The following EXT2 variants were observed in gnomAD, a reference collection of about 807,000 sequenced individuals.
EXT2 encodes exostosin glycosyltransferase 2.
A neutral mutation model predicts 81.6 loss-of-function variants in EXT2; 53 were observed. The observed-to-expected ratio is 0.65, with a 90% CI of 0.52 to 0.82. The LOEUF (loss-of-function observed/expected upper bound fraction) is 0.82. EXT2 is among the 40% of genes least tolerant of loss of function. The pLI, the probability that EXT2 is intolerant of heterozygous loss-of-function variation, is 0.00. For synonymous variants in EXT2, 320 were observed against 340.0 expected, an observed-to-expected ratio of 0.94 and a Z score of 0.65; for missense variants, 774 against 910.2, an observed-to-expected ratio of 0.85 and a Z score of 1.93.
At chr11:44,189,199 G>A (rs1955358681) in intron 8 of EXT2, among the ~76,000 whole-genome samples, 1 of 152,152 alleles carries the variant, frequency 6.6e-6, no homozygotes, top group African/African-American at 2.4e-5. Flanking sequence ...TGAGCAAATT[G>A]CTGTAAATAG....
chr11:44,178,739 G>C (rs1955192879), intron 8 of EXT2, among the ~76,000 whole-genome samples: 1 of 151,832 alleles, frequency 6.6e-6, no homozygotes, highest in South Asian at 2.1e-4. Context: ...AGCCTACCCT[G>C]CCCCCCAGGA....
chr11:44,201,762 C>T (rs1023698653), intron 9 of EXT2, among the ~76,000 whole-genome samples: 1 of 152,110 alleles, frequency 6.6e-6, no homozygotes, highest in African/African-American at 2.4e-5. Flanking sequence ...GTTTTTCTTT[C>T]CTACCTCATT....
At chr11:44,150,796 CACAGACCTATTAT>C (rs1954782162) in intron 7 of EXT2, among the ~76,000 whole-genome samples, 1 of 152,102 alleles carries the variant, frequency 6.6e-6, no homozygotes, top group Admixed American at 6.6e-5. Context: ...TGTAAGAATC[CACAGACCTATTAT>C]ACAACAGCTG....
chr11:44,182,715 T>C (rs1290405503), intron 8 of EXT2, among the ~76,000 whole-genome samples: 1 of 152,210 alleles, frequency 6.6e-6, no homozygotes. Context: ...AATGCACCTT[T>C]ATCTCTAAAT....
chr11:44,197,716 A>T, intron 8 of EXT2, 113 bp from the exon 9 acceptor site: 2 of 1,058,146 alleles, frequency 1.9e-6, no homozygotes, highest in Middle Eastern at 3.0e-4. Context: ...TAGCTCTGGG[A>T]TCTGTCCTGG....
chr11:44,158,972 G>A (rs1954892669), intron 7 of EXT2, among the ~76,000 whole-genome samples: 1 of 151,832 alleles, frequency 6.6e-6, no homozygotes. Flanking sequence ...CTCCTCTGTA[G>A]GTAAGGTGTT....
At chr11:44,243,476 T>C (rs1422351128) in intron 13 of EXT2, among the ~76,000 whole-genome samples, 1 of 152,226 alleles carries the variant, frequency 6.6e-6, no homozygotes, top group Admixed American at 6.5e-5. Context: ...ATGAAAATTA[T>C]GAAGGCTGTC....
chr11:44,243,454 G>A (rs781260272), intron 13 of EXT2, among the ~76,000 whole-genome samples: 1 of 152,164 alleles, frequency 6.6e-6, no homozygotes, highest in African/African-American at 2.4e-5. Context: ...TGACATGGGA[G>A]TGACAAAAAT....
intron 10 of EXT2, among the ~76,000 whole-genome samples, chr11:44,208,513 C>A (rs533802672): frequency 6.6e-6 from 1 of 152,334 alleles, no homozygotes. Flanking sequence ...CCTCTTTCCT[C>A]TGATTACTTG....
chr11:44,159,996 A>T (rs1297060867), intron 7 of EXT2, among the ~76,000 whole-genome samples: 1 of 152,244 alleles, frequency 6.6e-6, no homozygotes, highest in Non-Finnish European at 1.5e-5. Context: ...TCCTCAGGGC[A>T]AATCTTGTTA....
intron 1 of EXT2, among the ~76,000 whole-genome samples, chr11:44,101,954 A>AGG (rs1953989770): frequency 1.3e-5 from 2 of 151,494 alleles, no homozygotes. Flanking sequence ...TAAAAAAAAA[A>AGG]AAAAAAAAAA....
intron 13 of EXT2, 64 bp downstream of exon 13, chr11:44,236,439 G>GT (rs1955966397): frequency 2.8e-6 from 4 of 1,445,526 alleles, no homozygotes; most frequent in African/African-American, 1.4e-5. Flanking sequence ...CCTTAGGCCT[G>GT]TTTATGGGGC....
At chr11:44,186,990 C>G (rs1418509855) in intron 8 of EXT2, among the ~76,000 whole-genome samples, 1 of 62,764 alleles carries the variant, frequency 1.6e-5, no homozygotes, top group African/African-American at 7.0e-5. Flanking sequence ...AATTTCCTTC[C>G]TTCCTTCCTT....
rs550728975 is a variant in EXT2 at position 44,162,524 on chromosome 11, C to T, written c.1174-9087C>T. The stretch of plus-strand genomic sequence containing the variant: ...CCAGTAGGCTGAGGTTGCAGTGAGC[C>T]GAGATCGCACCACTGCCCTCCAGCC... On this transcript the variant is annotated intron_variant, in intron 7 of 13. Coordinates refer to ENST00000533608, the MANE Select transcript of EXT2 (RefSeq NM_207122.2). Among the ~76,000 whole-genome samples, 227 of 146,024 alleles carry T rather than the reference C, an allele frequency of 1.6e-3. 2 individuals are homozygous for T. Among genetic ancestry groups the T allele is most frequent in the Admixed American group, 2.7e-3 (38 of 14,134 alleles).
chr11:44,184,371 TAAAG>T (rs1955279030), intron 8 of EXT2, among the ~76,000 whole-genome samples: 1 of 152,230 alleles, frequency 6.6e-6, no homozygotes, highest in South Asian at 2.1e-4. Flanking sequence ...CATTTTTTCT[TAAAG>T]TAAGTGCTCT....
intron 10 of EXT2, among the ~76,000 whole-genome samples, chr11:44,223,380 A>C (rs1175318603): frequency 6.6e-6 from 1 of 152,214 alleles, no homozygotes; most frequent in Non-Finnish European, 1.5e-5. Context: ...AAATCAGCCC[A>C]GGCATCCTTC....
intron 10 of EXT2, among the ~76,000 whole-genome samples, chr11:44,230,285 G>A (rs1413071850): frequency 1.3e-5 from 2 of 152,230 alleles, no homozygotes; most frequent in Non-Finnish European, 2.9e-5. Context: ...GGGACATGGT[G>A]AGAGAAGAGG....
chr11:44,198,573 A>G (rs1215313259), intron 9 of EXT2, among the ~76,000 whole-genome samples: 1 of 152,124 alleles, frequency 6.6e-6, no homozygotes, highest in African/African-American at 2.4e-5. Context: ...GTTGAGGACT[A>G]TTTGATTCAT....
At chr11:44,119,169 T>TATATATATATATATATATATATATAC (rs1192115471) in intron 4 of EXT2, among the ~76,000 whole-genome samples, 20 of 63,142 alleles carry the variant, frequency 3.2e-4, no homozygotes, top group East Asian at 5.7e-4. Flanking sequence ...TATATATATA[T>TATATATATATATATATATATATATAC]ACACATACAC....
Sources: gnomAD v4.1 joint callset for allele counts (sites outside exome capture counted in the v4.1 genomes callset) on GRCh38, gnomAD v4.1.1 for gene constraint, MANE v1.5 for transcripts, NCBI Gene and HGNC (gene_info 2026-07-23, HGNC 2026-07-21) for gene names.